The following SPARCL1 variants were observed in gnomAD, a reference collection of about 807,000 sequenced individuals.
SPARCL1 encodes the protein SPARC-like protein 1.
A neutral mutation model predicts 67.1 loss-of-function variants in SPARCL1; 52 were observed. The observed-to-expected ratio is 0.78, with a 90% CI of 0.62 to 0.98. The LOEUF is 0.98. SPARCL1 is among the 50% of genes least tolerant of loss of function. The pLI, the probability that SPARCL1 is intolerant of heterozygous loss-of-function variation, is 0.00. For missense variants in SPARCL1, 717 were observed against 782.4 expected (o/e 0.92, Z 1.00); for synonymous variants, 226 against 267.8 (o/e 0.84, Z 1.52).
chr4:87,526,564 G>T (rs1249312625), intron 1 of SPARCL1, among the ~76,000 whole-genome samples: 1 of 152,154 alleles, frequency 6.6e-6, no homozygotes, highest in Non-Finnish European at 1.5e-5. Context: ...AGTCATGCAG[G>T]TGGGAAGTAA....
At chr4:87,508,489 T>C (rs1725202581) in intron 1 of SPARCL1, among the ~76,000 whole-genome samples, 1 of 152,060 alleles carries the variant, frequency 6.6e-6, no homozygotes, top group Non-Finnish European at 1.5e-5. Context: ...CATGGATCAC[T>C]GTGCTGGGCC....
chr4:87,524,539 A>G (rs1423744293), intron 1 of SPARCL1, among the ~76,000 whole-genome samples: 1 of 152,226 alleles, frequency 6.6e-6, no homozygotes, highest in Non-Finnish European at 1.5e-5. Flanking sequence ...TCACTGCAGC[A>G]GATGCCTGAC....
chr4:87,512,652 A>G (rs541043304), intron 1 of SPARCL1, among the ~76,000 whole-genome samples: 1 of 152,278 alleles, frequency 6.6e-6, no homozygotes, highest in South Asian at 2.1e-4. Context: ...AGCCAGATGA[A>G]TTAACTCCAG....
intron 1 of SPARCL1, among the ~76,000 whole-genome samples, chr4:87,503,061 C>T (rs1724914888): frequency 6.6e-6 from 1 of 152,202 alleles, no homozygotes; most frequent in Non-Finnish European, 1.5e-5. Context: ...CCCTAGGTTT[C>T]TGTATGGCTC....
At chr4:87,478,689 C>G (rs185852263) in intron 10 of SPARCL1, among the ~76,000 whole-genome samples, 5 of 152,086 alleles carry the variant, frequency 3.3e-5, no homozygotes, top group African/African-American at 1.2e-4. Context: ...CCACCCACCT[C>G]GGCTTCCCAA....
At chr4:87,519,553 A>G (rs1330949290) in intron 1 of SPARCL1, among the ~76,000 whole-genome samples, 1 of 152,098 alleles carries the variant, frequency 6.6e-6, no homozygotes, top group East Asian at 1.9e-4. Flanking sequence ...AAAGATAACC[A>G]TTTACCACTC....
Position 87,491,621 on chromosome 4 carries a change from C to T in SPARCL1, c.1288G>A (p.Val430Met), listed in dbSNP as rs558854216. 6.2e-7 allele frequency: 1 copy of T among 1,609,692 alleles called. No individual in the cohort carries two copies. Among genetic ancestry groups the T allele is most frequent in the Non-Finnish European group, 8.5e-7 (1 of 1,176,060 alleles). The change falls in exon 5 of 11, where the codon GTG becomes ATG. Residue 430 changes from valine to methionine, a missense_variant. Physicochemically the swap from Val to Met is conservative, Grantham distance 21. Coordinates refer to ENST00000282470, the MANE Select transcript of SPARCL1 (RefSeq NM_004684.6). Reference protein sequence around the residue: ...SSEGNMRVHAVDSCMSFQCKR... With the variant: ...SSEGNMRVHAMDSCMSFQCKR... ...AGCTTGCTTCATGCATACTCACCCA[C>T]AGCATGCACCCTCATGTTGCCTTCA...
At chr4:87,491,956 A>C (rs80243813) in intron 4 of SPARCL1, among the ~76,000 whole-genome samples, 161 of 10,572 alleles carry the variant, frequency 0.015, no homozygotes, top group African/African-American at 0.023. Context: ...CCCCCCCCCC[A>C]AAAAAAAAAA....
intron 2 of SPARCL1, among the ~76,000 whole-genome samples, chr4:87,497,954 T>C (rs1247733217): frequency 6.6e-6 from 1 of 152,172 alleles, no homozygotes; most frequent in African/African-American, 2.4e-5. Context: ...AGACGTGGCC[T>C]CACTATGTTA....
intron 7 of SPARCL1, among the ~76,000 whole-genome samples, chr4:87,484,063 C>T (rs558974943): frequency 2.6e-4 from 40 of 152,224 alleles, no homozygotes; most frequent in African/African-American, 8.7e-4. Flanking sequence ...GTTTCTTTTG[C>T]TGTGCAGAAG....
At chr4:87,474,401 T>G (rs1578089880) in intron 10 of SPARCL1, among the ~76,000 whole-genome samples, 1 of 26,186 alleles carries the variant, frequency 3.8e-5, no homozygotes, top group East Asian at 1.3e-3. Flanking sequence ...GGACTTTGAT[T>G]TTTTTTTTTT....
chr4:87,521,169 T>C (rs1725798426), intron 1 of SPARCL1, among the ~76,000 whole-genome samples: 1 of 152,248 alleles, frequency 6.6e-6, no homozygotes, highest in Non-Finnish European at 1.5e-5. Flanking sequence ...TCAGTTCCTA[T>C]AGTTTTTTAG....
At chr4:87,520,231 A>T (rs1725751614) in intron 1 of SPARCL1, among the ~76,000 whole-genome samples, 1 of 125,424 alleles carries the variant, frequency 8.0e-6, no homozygotes, top group Non-Finnish European at 1.6e-5. Context: ...TGGGTGACAG[A>T]GCCAGACACT....
intron 1 of SPARCL1, among the ~76,000 whole-genome samples, chr4:87,513,172 T>A (rs1725443933): frequency 6.6e-6 from 1 of 152,254 alleles, no homozygotes; most frequent in Non-Finnish European, 1.5e-5. Flanking sequence ...ACATTCCTTG[T>A]ATTTATTTAG....
chr4:87,482,786 G>A (rs1723886029), intron 7 of SPARCL1, among the ~76,000 whole-genome samples: 1 of 152,140 alleles, frequency 6.6e-6, no homozygotes, highest in South Asian at 2.1e-4. Context: ...GATGTGATTG[G>A]TCTGGCGTGA....
chr4:87,513,144 T>G (rs1459592069), intron 1 of SPARCL1, among the ~76,000 whole-genome samples: 2 of 152,248 alleles, frequency 1.3e-5, no homozygotes, highest in Admixed American at 6.5e-5. Context: ...ATTAACTTAT[T>G]AAGATGGATT....
At chr4:87,504,185 T>TGGGGGGGGG (rs1553970330) in intron 1 of SPARCL1, among the ~76,000 whole-genome samples, 1 of 19,010 alleles carries the variant, frequency 5.3e-5, no homozygotes, top group Non-Finnish European at 8.6e-5. Context: ...GTGTGTGTGG[T>TGGGGGGGGG]GGGGTGGGGG....
At chr4:87,475,557 T>C (rs1227618404) in intron 10 of SPARCL1, among the ~76,000 whole-genome samples, 2 of 152,214 alleles carry the variant, frequency 1.3e-5, no homozygotes, top group African/African-American at 4.8e-5. Context: ...TTATTCTCTG[T>C]ATGCTTATAA....
chr4:87,495,147 GT>G lies in SPARCL1; in HGVS notation c.55-21del. ...ATTTGTCTGAAAAAATTAAAAACTGGTTTTTGTTATTCATGTCTGGATGCTA... is the reference window on the plus strand; with the variant it reads ...ATTTGTCTGAAAAAATTAAAAACTGGTTTTGTTATTCATGTCTGGATGCTA... On this transcript the variant is annotated intron_variant, in intron 2 of 10. Transcript: ENST00000282470. 6.3e-7 allele frequency: 1 copy of G among 1,595,390 alleles called. No homozygotes were observed. Among genetic ancestry groups the G allele is most frequent in the Non-Finnish European group, 8.5e-7 (1 of 1,175,062 alleles).
Sources: gnomAD v4.1 joint callset for allele counts (sites outside exome capture counted in the v4.1 genomes callset) on GRCh38, gnomAD v4.1.1 for gene constraint, MANE v1.5 for transcripts, NCBI Gene and HGNC (gene_info 2026-07-23, HGNC 2026-07-21) for gene names.